The following TBL1X variants were observed in gnomAD, a reference collection of about 807,000 sequenced individuals.
TBL1X encodes F-box-like/WD repeat-containing protein TBL1X.
In TBL1X, 10 loss-of-function variants were observed where a neutral mutation model predicts 50.7. The ratio of observed to expected loss-of-function variants is 0.20; its 90% CI spans 0.12 to 0.33. The LOEUF (loss-of-function observed/expected upper bound fraction) is 0.33, where lower values mean the gene tolerates loss of function less well. Among genes scored for constraint, TBL1X ranks in the 10% least tolerant of loss-of-function variants. TBL1X has a pLI of 1.00. For missense variants in TBL1X, 340 were observed against 504.4 expected, an observed-to-expected ratio of 0.67 and a Z score of 3.12; for synonymous variants, 190 against 214.7, an observed-to-expected ratio of 0.88 and a Z score of 1.01.
chrX:9,537,776 A>T (rs1367051277), intron 2 of TBL1X, among the ~76,000 whole-genome samples: 1 of 112,502 alleles, frequency 8.9e-6, no homozygotes, highest in African/African-American at 3.2e-5. Context: ...GAGCATTGGC[A>T]TATGTTTACT....
At chrX:9,646,282 C>T (rs760861513) in intron 3 of TBL1X, among the ~76,000 whole-genome samples, 3 of 112,397 alleles carry the variant, frequency 2.7e-5, no homozygotes, top group Non-Finnish European at 3.8e-5. Context: ...ACATTGTCTT[C>T]TTTACAATTA....
At chrX:9,545,970 T>C (rs1294928439) in intron 2 of TBL1X, among the ~76,000 whole-genome samples, 3 of 111,856 alleles carry the variant, frequency 2.7e-5, no homozygotes, top group Non-Finnish European at 5.6e-5. Context: ...TGAACAGTTT[T>C]GGCAGGAACG....
At chrX:9,540,687 CACAA>C (rs1480294353) in intron 2 of TBL1X, among the ~76,000 whole-genome samples, 5 of 112,267 alleles carry the variant, frequency 4.5e-5, no homozygotes, top group African/African-American at 1.6e-4. Flanking sequence ...AGTCTTTCAT[CACAA>C]ACAAGTCTAA....
intron 17 of TBL1X, among the ~76,000 whole-genome samples, chrX:9,715,489 C>A (rs772317919): frequency 2.7e-5 from 3 of 111,864 alleles, no homozygotes; most frequent in Non-Finnish European, 3.8e-5. Flanking sequence ...CATACTGATT[C>A]CTGTAGGCAA....
chrX:9,691,488 T>A (rs1311705581), intron 7 of TBL1X, 91 bp from the exon 8 acceptor site: 4 of 834,073 alleles, frequency 4.8e-6, no homozygotes, highest in Non-Finnish European at 4.9e-6. Context: ...ATTTAGTACA[T>A]AAAAAAAATG....
At chrX:9,665,728 CCT>C (rs759938000) in intron 5 of TBL1X, among the ~76,000 whole-genome samples, 15 of 103,241 alleles carry the variant, frequency 1.5e-4, no homozygotes, top group African/African-American at 4.9e-4. Flanking sequence ...TGCCACATAC[CCT>C]GTTTTGAGAA....
At chrX:9,637,024 A>G (rs998033692) in intron 2 of TBL1X, 1 of 112,201 alleles carries the variant, frequency 8.9e-6, no homozygotes, top group African/African-American at 3.2e-5. Context: ...GCTGGCTCAC[A>G]TATGCCTAGG....
intron 5 of TBL1X, among the ~76,000 whole-genome samples, chrX:9,661,698 A>C (rs1158702827): frequency 9.0e-6 from 1 of 110,991 alleles, no homozygotes; most frequent in Non-Finnish European, 1.9e-5. Context: ...GGCTGTGCTG[A>C]GCGCCCACCA....
Position 9,717,540 on chromosome X carries a change from T to C in TBL1X, c.*1294T>C, listed in dbSNP as rs2083286435. 8.9e-6 allele frequency: 1 copy of C among 112,972 alleles called. No individual in the cohort carries two copies. The highest frequency in any genetic ancestry group is 9.3e-5 in the Admixed American group (1 of 10,743). 9.3% of individuals were successfully genotyped at this position (112,972 alleles called of 1,213,427 possible). A position where few individuals can be genotyped will look rare whatever the true frequency, so the allele number is the denominator to read the frequency against. ...TCGCATCTTTTGGTGTGTATGCACCTTGGCAGCCAGCAGGAAAGCAGCGAA... is the reference window on the plus strand; with the variant it reads ...TCGCATCTTTTGGTGTGTATGCACCCTGGCAGCCAGCAGGAAAGCAGCGAA... On this transcript the variant is annotated 3_prime_UTR_variant, in exon 18 of 18. Coordinates refer to ENST00000645353, the MANE Select transcript of TBL1X (RefSeq NM_005647.4).
Position 9,705,005 on chromosome X carries a change from A to ATGTGGAC in TBL1X, c.1130_1136dup (p.Trp379CysfsTer13), listed in dbSNP as rs1259527854. 8.3e-7 allele frequency: 1 copy of ATGTGGAC among 1,210,653 alleles called. No individual in the cohort carries two copies. Among genetic ancestry groups the ATGTGGAC allele is most frequent in the Admixed American group, 2.2e-5 (1 of 45,917 alleles). On this transcript the variant is annotated frameshift_variant, in exon 13 of 18. Coordinates refer to ENST00000645353, the MANE Select transcript of TBL1X (RefSeq NM_005647.4). LOFTEE classifies it high-confidence loss of function. ...CTCCCTACTGCAGCCCCTGCCCTTGATGTGGACTGGCAGAACAACACGACC... is the reference window on the plus strand; with the variant it reads ...CTCCCTACTGCAGCCCCTGCCCTTGATGTGGACTGTGGACTGGCAGAACAACACGACC...
At chrX:9,703,252 A>ACCAGAGAAGGGAAGGGAAGAGATCG (rs1386115343) in intron 12 of TBL1X, among the ~76,000 whole-genome samples, 1 of 105,756 alleles carries the variant, frequency 9.5e-6, no homozygotes, top group Non-Finnish European at 2.0e-5. Context: ...GGAAGAGATC[A>ACCAGAGAAGGGAAGGGAAGAGATCG]CCAGAGAAGG....
chrX:9,712,234 G>A (rs1211035439), intron 16 of TBL1X, among the ~76,000 whole-genome samples: 1 of 112,875 alleles, frequency 8.9e-6, no homozygotes, highest in African/African-American at 3.2e-5. Context: ...AGCTCCTGCA[G>A]CTCCCTTACG....
chrX:9,567,995 A>T (rs990807759), intron 2 of TBL1X, among the ~76,000 whole-genome samples: 4 of 111,702 alleles, frequency 3.6e-5, no homozygotes, highest in African/African-American at 1.3e-4. Flanking sequence ...GCAGTGGGGC[A>T]GTTCAGTGCT....
intron 2 of TBL1X, among the ~76,000 whole-genome samples, chrX:9,518,368 T>A (rs113838125): frequency 1.9e-4 from 21 of 112,127 alleles, no homozygotes; most frequent in South Asian, 3.8e-4. Flanking sequence ...GTGGTGTGAC[T>A]TGGACTTTCA....
At chrX:9,553,167 A>G (rs960850445) in intron 2 of TBL1X, among the ~76,000 whole-genome samples, 11 of 110,422 alleles carry the variant, frequency 1.0e-4, no homozygotes, top group Non-Finnish European at 2.1e-4. Flanking sequence ...AAACAAAAGG[A>G]TATCGAGATG....
rs767585709 is a variant in TBL1X at position 9,469,957 on chromosome X, C to T, written c.-201+4510C>T. ...CATGCCTTTGTGTGCTTTGGCCAAC[C>T]GCTTTTCTTAGAACAGCACATTTTG... On this transcript the variant is annotated intron_variant, in intron 1 of 17. Coordinates refer to ENST00000645353, the MANE Select transcript of TBL1X (RefSeq NM_005647.4). 1.1e-4 allele frequency among the ~76,000 whole-genome samples: 12 copies of T among 112,624 alleles called. No homozygotes were observed. In the South Asian group the frequency reaches 1.8e-3, roughly 17 times the overall value.
intron 5 of TBL1X, among the ~76,000 whole-genome samples, chrX:9,654,791 A>G (rs1005449043): frequency 9.0e-6 from 1 of 111,119 alleles, no homozygotes; most frequent in Non-Finnish European, 1.9e-5. Flanking sequence ...TACCACTGAG[A>G]CATTACTTTA....
chrX:9,543,004 CA>C (rs1254300694), intron 2 of TBL1X, among the ~76,000 whole-genome samples: 1 of 111,947 alleles, frequency 8.9e-6, no homozygotes, highest in Non-Finnish European at 1.9e-5. Flanking sequence ...TGTGTGTTTT[CA>C]AAACACCTTC....
intron 3 of TBL1X, among the ~76,000 whole-genome samples, chrX:9,645,708 T>C (rs1203211909): frequency 1.8e-5 from 2 of 111,899 alleles, no homozygotes; most frequent in Non-Finnish European, 3.8e-5. Flanking sequence ...ACTGAAAGTA[T>C]TGTATATCTG....
Sources: allele counts gnomAD v4.1 joint callset (sites outside exome capture counted in the v4.1 genomes callset), GRCh38; gene constraint gnomAD v4.1.1; transcripts MANE v1.5; gene names NCBI Gene and HGNC (gene_info 2026-07-23, HGNC 2026-07-21).